The following DCAF6 variants were observed in gnomAD, a reference collection of about 807,000 sequenced individuals.
The protein encoded by DCAF6 is DDB1 and CUL4 associated factor 6.
Under a neutral mutation model 125.1 loss-of-function variants are expected in DCAF6, and 54 were observed. That is an observed-to-expected ratio of 0.43 (90% CI 0.35 to 0.54). The LOEUF is 0.54. DCAF6 is among the 20% of genes least tolerant of loss of function. The probability of loss-of-function intolerance (pLI) is 0.01; values close to 1 mark genes in which losing one functional copy is unlikely to be tolerated. For synonymous variants in DCAF6, 371 were observed against 390.4 expected, an observed-to-expected ratio of 0.95 and a Z score of 0.58; for missense variants, 934 against 1,161.7, an observed-to-expected ratio of 0.80 and a Z score of 2.85.
At chr1:167,891,854 T>C in the DCAF6 span, among the ~76,000 whole-genome samples, 44 of 152,310 alleles carry the variant, frequency 2.9e-4, 1 homozygote, top group Middle Eastern at 3.4e-3. Context: ...GGAATTGGTA[T>C]AGGGAATAAT....
At chr1:167,999,063 T>G (rs1460454537) in intron 7 of DCAF6, among the ~76,000 whole-genome samples, 1 of 152,118 alleles carries the variant, frequency 6.6e-6, no homozygotes, top group African/African-American at 2.4e-5. Context: ...GTTTCTTAAA[T>G]AAGACCTGAA....
chr1:167,874,127 A>T, the DCAF6 span, among the ~76,000 whole-genome samples: 56,384 of 151,916 alleles, frequency 0.37, 11,271 homozygotes, highest in African/African-American at 0.52. Flanking sequence ...AAGTTAGGAG[A>T]TCAAGACCAG....
chr1:168,033,872 A>C (rs1306323041), intron 12 of DCAF6, among the ~76,000 whole-genome samples: 3 of 152,238 alleles, frequency 2.0e-5, no homozygotes, highest in African/African-American at 4.8e-5. Context: ...AGCAGTGTTG[A>C]ACAAGTTAAA....
the DCAF6 span, among the ~76,000 whole-genome samples, chr1:167,886,697 A>T: frequency 6.6e-6 from 1 of 152,044 alleles, no homozygotes; most frequent in Non-Finnish European, 1.5e-5. Context: ...ATTGACAAAC[A>T]GGATCCAATT....
chr1:168,061,898 C>A (rs115395532), intron 17 of DCAF6, among the ~76,000 whole-genome samples: 1 of 152,130 alleles, frequency 6.6e-6, no homozygotes, highest in Admixed American at 6.5e-5. Context: ...TCTAGCAGCT[C>A]CTCTTCTAGG....
chr1:167,884,704 T>A, the DCAF6 span, among the ~76,000 whole-genome samples: 1 of 148,452 alleles, frequency 6.7e-6, no homozygotes, highest in African/African-American at 2.5e-5. Context: ...ATTTTTTTTT[T>A]TTTTTTTTTT....
intron 12 of DCAF6, among the ~76,000 whole-genome samples, chr1:168,038,013 C>G (rs1192657378): frequency 3.3e-5 from 5 of 152,158 alleles, no homozygotes; most frequent in Admixed American, 3.3e-4. Flanking sequence ...TATTGATGCT[C>G]AAGCAACTGA....
chr1:167,956,660 T>C (rs898575531), intron 2 of DCAF6, among the ~76,000 whole-genome samples: 1 of 152,188 alleles, frequency 6.6e-6, no homozygotes, highest in Admixed American at 6.5e-5. Flanking sequence ...GTCATTGATA[T>C]GAGACCGTTG....
At chr1:168,063,167 A>G (rs878947303) in intron 17 of DCAF6, among the ~76,000 whole-genome samples, 1 of 152,140 alleles carries the variant, frequency 6.6e-6, no homozygotes, top group African/African-American at 2.4e-5. Context: ...CACATTTTAA[A>G]TAAAATATCA....
intron 5 of DCAF6, 29 bp from the exon 6 acceptor site, chr1:167,991,175 T>A: frequency 6.3e-7 from 1 of 1,583,168 alleles, no homozygotes; most frequent in East Asian, 2.3e-5. Context: ...TATAACTATA[T>A]GTAATTGGTA....
At chr1:167,938,564 C>T (rs910126708) in intron 1 of DCAF6, among the ~76,000 whole-genome samples, 1 of 152,126 alleles carries the variant, frequency 6.6e-6, no homozygotes, top group African/African-American at 2.4e-5. Context: ...TTGAACATAG[C>T]TGGAGTCTGG....
intron 2 of DCAF6, among the ~76,000 whole-genome samples, chr1:167,965,870 G>A (rs1360279280): frequency 2.0e-5 from 3 of 152,094 alleles, no homozygotes; most frequent in Non-Finnish European, 4.4e-5. Context: ...TCTGACATCA[G>A]GTGATCCACC....
chr1:167,999,239 C>T (rs1682231489), intron 7 of DCAF6, among the ~76,000 whole-genome samples: 1 of 152,088 alleles, frequency 6.6e-6, no homozygotes, highest in African/African-American at 2.4e-5. Flanking sequence ...TTCAAATAGT[C>T]AGTAAAACAT....
chr1:167,960,137 TG>T (rs1675349025), intron 2 of DCAF6, among the ~76,000 whole-genome samples: 1 of 152,080 alleles, frequency 6.6e-6, no homozygotes, highest in Non-Finnish European at 1.5e-5. Context: ...CTATCTGCAT[TG>T]TATTGACTTT....
intron 16 of DCAF6, among the ~76,000 whole-genome samples, chr1:168,045,750 G>C (rs964036739): frequency 2.6e-5 from 4 of 152,032 alleles, no homozygotes; most frequent in African/African-American, 9.7e-5. Flanking sequence ...AAATACCATA[G>C]CAGCAATAAA....
chr1:168,035,687 T>C (rs973279516), intron 12 of DCAF6, among the ~76,000 whole-genome samples: 6 of 143,790 alleles, frequency 4.2e-5, no homozygotes, highest in Admixed American at 2.0e-4. Context: ...TCAACTATAA[T>C]CAATCATTTT....
Position 167,939,762 on chromosome 1 carries a change from CATAAATAAATAA to C in DCAF6, c.97+2768_97+2779del, listed in dbSNP as rs144622238. 2.1e-3 allele frequency among the ~76,000 whole-genome samples: 322 copies of C among 151,432 alleles called. 2 individuals carry two copies. The highest frequency in any genetic ancestry group is 7.3e-3 in the African/African-American group (301 of 41,230). ...TGGGCGACAGAGGGAAACTCTGCGTCATAAATAAATAAATAAATAAATAAAGTATGGTACACT... is the reference window on the plus strand; with the variant it reads ...TGGGCGACAGAGGGAAACTCTGCGTCATAAATAAATAAAGTATGGTACACT... On this transcript the variant is annotated intron_variant, in intron 1 of 21. Coordinates refer to ENST00000367840, the MANE Select transcript of DCAF6 (RefSeq NM_001198956.2).
intron 12 of DCAF6, among the ~76,000 whole-genome samples, chr1:168,034,352 A>C (rs1687530882): frequency 6.6e-6 from 1 of 152,126 alleles, no homozygotes; most frequent in South Asian, 2.1e-4. Context: ...CCATCTCTAG[A>C]AAAAATAAAG....
At position 168,075,595 on chromosome 1, in the gene DCAF6, C is replaced by A; in HGVS notation, c.*160C>A. On this transcript the variant is annotated 3_prime_UTR_variant, in exon 22 of 22. Transcript: ENST00000367840. ...AACATTGGTTTGGAATGATTGTGTGCATGAATTTGGGAGATTGTATAAAAC... is the reference window on the plus strand; with the variant it reads ...AACATTGGTTTGGAATGATTGTGTGAATGAATTTGGGAGATTGTATAAAAC... 1 of 590,560 alleles carries A rather than the reference C, an allele frequency of 1.7e-6. No homozygotes were observed. The highest frequency in any genetic ancestry group is 2.8e-6 in the Non-Finnish European group (1 of 352,296). The allele number at this position is 590,560 out of a possible 1,614,324, so 36.6% of individuals were successfully genotyped here.
Sources: gnomAD v4.1 joint callset for allele counts (sites outside exome capture counted in the v4.1 genomes callset) on GRCh38, gnomAD v4.1.1 for gene constraint, MANE v1.5 for transcripts, NCBI Gene and HGNC (gene_info 2026-07-23, HGNC 2026-07-21) for gene names.